The following TENT4A variants were observed in gnomAD, a reference collection of about 807,000 sequenced individuals.
The protein encoded by TENT4A is terminal nucleotidyltransferase 4A.
Under a neutral mutation model 72.8 loss-of-function variants are expected in TENT4A, and 7 were observed. That is an observed-to-expected ratio of 0.10 (90% confidence interval 0.05 to 0.18). The LOEUF is 0.18. Among genes scored for constraint, TENT4A ranks in the 10% least tolerant of loss-of-function variants. TENT4A has a pLI of 1.00. For missense variants in TENT4A, 831 were observed against 1,017.7 expected, an observed-to-expected ratio of 0.82 and a Z score of 2.50; for synonymous variants, 456 against 434.3, an observed-to-expected ratio of 1.05 and a Z score of -0.62.
intron 5 of TENT4A, 151 bp downstream of exon 5, chr5:6,742,748 C>T: frequency 1.7e-6 from 1 of 577,314 alleles, no homozygotes; most frequent in South Asian, 2.3e-5. Flanking sequence ...AATATTATTT[C>T]TAGAGATACT....
At chr5:6,723,134 A>G (rs1740744103) in intron 1 of TENT4A, among the ~76,000 whole-genome samples, 1 of 152,268 alleles carries the variant, frequency 6.6e-6, no homozygotes, top group African/African-American at 2.4e-5. Flanking sequence ...TCAGCAAGTT[A>G]TCACTGTGAA....
intron 1 of TENT4A, among the ~76,000 whole-genome samples, chr5:6,722,443 G>A (rs1466271610): frequency 6.6e-6 from 1 of 152,136 alleles, no homozygotes; most frequent in East Asian, 1.9e-4. Context: ...TTGGGAGTGG[G>A]GGGCTAGAGG....
chr5:6,718,947 G>C (rs1377329361), intron 1 of TENT4A, among the ~76,000 whole-genome samples: 1 of 151,632 alleles, frequency 6.6e-6, no homozygotes, highest in Non-Finnish European at 1.5e-5. Flanking sequence ...CTGGGAATGA[G>C]AGGCCTCCAA....
At chr5:6,719,594 G>A (rs1042598252) in intron 1 of TENT4A, among the ~76,000 whole-genome samples, 5 of 152,208 alleles carry the variant, frequency 3.3e-5, no homozygotes, top group Non-Finnish European at 7.4e-5. Context: ...CGCCCTCTTC[G>A]AAAGCTGCCA....
At chr5:6,723,364 C>T (rs1184236660) in intron 1 of TENT4A, among the ~76,000 whole-genome samples, 1 of 151,636 alleles carries the variant, frequency 6.6e-6, no homozygotes, top group Non-Finnish European at 1.5e-5. Flanking sequence ...TTCCTTCTCT[C>T]AACAGTCTTC....
At chr5:6,752,267 G>A (rs1363478695) in intron 11 of TENT4A, among the ~76,000 whole-genome samples, 2 of 152,206 alleles carry the variant, frequency 1.3e-5, no homozygotes, top group East Asian at 1.9e-4. Flanking sequence ...GTCCAGGGAC[G>A]CTGAGGGTTT....
intron 1 of TENT4A, 121 bp from the exon 2 acceptor site, chr5:6,737,389 G>A: frequency 2.3e-6 from 2 of 862,038 alleles, no homozygotes; most frequent in Non-Finnish European, 3.6e-6. Flanking sequence ...TTTCAGAGGA[G>A]AAATGAAACT....
intron 1 of TENT4A, among the ~76,000 whole-genome samples, chr5:6,723,230 A>G (rs1176320414): frequency 1.4e-5 from 2 of 142,966 alleles, no homozygotes; most frequent in African/African-American, 2.7e-5. Flanking sequence ...AAATAGGTTC[A>G]TAGCAGAGCG....
At chr5:6,726,515 G>A (rs1388545821) in intron 1 of TENT4A, among the ~76,000 whole-genome samples, 3 of 152,112 alleles carry the variant, frequency 2.0e-5, no homozygotes, top group South Asian at 2.1e-4. Flanking sequence ...GACTTGTGCC[G>A]TGCCACCTTG....
At chr5:6,753,114 C>A in intron 12 of TENT4A, 77 bp downstream of exon 12, 1 of 1,358,218 alleles carries the variant, frequency 7.4e-7, no homozygotes, top group Non-Finnish European at 1.0e-6. Context: ...TTTTCTCCTC[C>A]AGAGAGAATT....
chr5:6,716,125 C>T (rs1303715783), intron 1 of TENT4A, among the ~76,000 whole-genome samples: 1 of 152,206 alleles, frequency 6.6e-6, no homozygotes, highest in Non-Finnish European at 1.5e-5. Context: ...AGTGGTAGCG[C>T]ATCAGGTCCC....
rs188212145 is a variant in TENT4A, at chr5:6,754,633, G to A, written c.2185-118G>A. 6.7e-5 allele frequency: 43 copies of A among 638,370 alleles called. No homozygotes were observed. In the African/African-American group the frequency reaches 7.8e-4, roughly 12 times the overall value. 39.5% of individuals were successfully genotyped at this position (638,370 alleles called of 1,614,324 possible). On this transcript the variant is annotated intron_variant, in intron 12 of 12. Coordinates refer to ENST00000230859, the MANE Select transcript of TENT4A (RefSeq NM_006999.6). ...GGAGTTGGGAAGTCCCAGAGGGCAG[G>A]TGTCCATCCCTGCTCTCTATGTAAC...
intron 4 of TENT4A, among the ~76,000 whole-genome samples, chr5:6,741,097 TGAGGCCACA>T (rs1353619436): frequency 6.6e-6 from 1 of 152,220 alleles, no homozygotes; most frequent in African/African-American, 2.4e-5. Context: ...GCGGCTGTCC[TGAGGCCACA>T]CAGTAGGTTG....
intron 1 of TENT4A, among the ~76,000 whole-genome samples, chr5:6,726,571 T>G (rs141399703): frequency 6.6e-6 from 1 of 152,296 alleles, no homozygotes; most frequent in East Asian, 1.9e-4. Context: ...TAGGAGCCAC[T>G]GTTGGTGCCT....
intron 2 of TENT4A, among the ~76,000 whole-genome samples, chr5:6,738,245 T>A (rs1741612829): frequency 6.6e-6 from 1 of 152,076 alleles, no homozygotes; most frequent in African/African-American, 2.4e-5. Flanking sequence ...GTGCCCCAGC[T>A]GTGAGGGGCA....
At chr5:6,752,836 C>CT in intron 11 of TENT4A, 37 bp from the exon 12 acceptor site, 1 of 1,598,218 alleles carries the variant, frequency 6.3e-7, no homozygotes, top group Non-Finnish European at 8.6e-7. Flanking sequence ...CCTCTGATTG[C>CT]TTTGGTACCC....
intron 10 of TENT4A, 41 bp downstream of exon 10, chr5:6,750,544 T>G: frequency 6.7e-7 from 1 of 1,497,122 alleles, no homozygotes; most frequent in East Asian, 2.4e-5. Context: ...TTGGACAGTT[T>G]GTGTCTCTGG....
intron 1 of TENT4A, among the ~76,000 whole-genome samples, chr5:6,723,569 G>A (rs76932559): frequency 0.019 from 2,859 of 152,296 alleles, 36 homozygotes; most frequent in South Asian, 0.048. Flanking sequence ...GTGAATTCAC[G>A]GCTGACATCT....
At chr5:6,738,835 A>G (rs1741644681) in intron 3 of TENT4A, 106 bp downstream of exon 3, 2 of 832,948 alleles carry the variant, frequency 2.4e-6, no homozygotes, top group Admixed American at 2.0e-5. Flanking sequence ...AAGGCGAGAA[A>G]TGCCAGCTAA....
Sources: allele counts gnomAD v4.1 joint callset (sites outside exome capture counted in the v4.1 genomes callset), GRCh38; gene constraint gnomAD v4.1.1; transcripts MANE v1.5; gene names NCBI Gene and HGNC (gene_info 2026-07-23, HGNC 2026-07-21).